Variants in ESYT3 observed in about 807,000 individuals in gnomAD.
ESYT3 encodes extended synaptotagmin 3, also known as extended synaptotagmin-3.
A neutral mutation model predicts 111.5 loss-of-function variants in ESYT3; 101 were observed. The ratio of observed to expected loss-of-function variants is 0.91; its 90% CI spans 0.77 to 1.07. The LOEUF (loss-of-function observed/expected upper bound fraction) is 1.07. Among genes scored for constraint, ESYT3 ranks in the 50% least tolerant of loss-of-function variants. The pLI, the probability that ESYT3 is intolerant of heterozygous loss-of-function variation, is 0.00. For missense variants in ESYT3, 1,097 were observed against 1,109.4 expected, an observed-to-expected ratio of 0.99 and a Z score of 0.16; for synonymous variants, 416 against 446.8, an observed-to-expected ratio of 0.93 and a Z score of 0.87.
chr3:138,476,365 A>G, intron 21 of ESYT3, 37 bp downstream of exon 21: 7 of 1,596,214 alleles, frequency 4.4e-6, no homozygotes, highest in Non-Finnish European at 4.3e-6. Context: ...CAAGGAGATT[A>G]TGATCAATTC....
At position 138,472,504 on chromosome 3, in the gene ESYT3, C is replaced by T; in HGVS notation, c.1882C>T (p.Pro628Ser). 7 of 1,614,224 alleles carry T rather than the reference C, an allele frequency of 4.3e-6. No individual in the cohort carries two copies. The highest frequency in any genetic ancestry group is 5.9e-6 in the Non-Finnish European group (7 of 1,180,036). Residue 628 changes from proline (P) to serine (S), a missense_variant, in exon 18 of 23, where the codon CCA (proline) becomes TCA (serine). Transcript: ENST00000389567. ...QPQEEGPTDL[P>S]CPPDPASDTK... The stretch of plus-strand genomic sequence containing the variant: ...TCAGGAAGAAGGCCCTACAGATTTG[C>T]CATGTCCCCCAGACCCTGCTTCTGA...
chr3:138,434,666 C>A lies in ESYT3; in HGVS notation c.-133C>A. ...GCAGAGAACCCTGAGCTCGGCGCGC[C>A]GAGAGTCCCAGCAGGGCAAGGGGGC... On this transcript the variant is annotated 5_prime_UTR_variant, in exon 1 of 23. Transcript: ENST00000389567. 1.2e-6 allele frequency: 1 copy of A among 809,074 alleles called. No individual in the cohort carries two copies. Among genetic ancestry groups the A allele is most frequent in the Non-Finnish European group, 1.8e-6 (1 of 543,942 alleles). 50.1% of individuals were successfully genotyped at this position (809,074 alleles called of 1,614,324 possible). A position where few individuals can be genotyped will look rare whatever the true frequency, so the allele number is the denominator to read the frequency against.
chr3:138,475,644 A>AG (rs1285928980), intron 20 of ESYT3, among the ~76,000 whole-genome samples: 18 of 152,176 alleles, frequency 1.2e-4, no homozygotes, highest in Admixed American at 1.2e-3. Context: ...AGTGGTAGCC[A>AG]GGGGCAGGTG....
At chr3:138,455,390 C>T (rs1218714974) in intron 3 of ESYT3, 62 bp downstream of exon 3, 2 of 1,583,850 alleles carry the variant, frequency 1.3e-6, no homozygotes, top group African/African-American at 1.3e-5. Context: ...TGTTCCCTCT[C>T]CTCCCACCTT....
chr3:138,443,756 G>GTGTGTATGTGTGTGTGACT (rs1553810678), intron 1 of ESYT3, among the ~76,000 whole-genome samples: 6 of 151,370 alleles, frequency 4.0e-5, no homozygotes, highest in African/African-American at 1.5e-4. Flanking sequence ...GTGTGTGTGT[G>GTGTGTATGTGTGTGTGACT]ACATGGCTGC....
At chr3:138,442,335 A>G (rs1318539130) in intron 1 of ESYT3, among the ~76,000 whole-genome samples, 1 of 152,222 alleles carries the variant, frequency 6.6e-6, no homozygotes, top group Non-Finnish European at 1.5e-5. Context: ...ACATTATATT[A>G]CATTCTCCAA....
Position 138,452,074 on chromosome 3 carries a change from C to T in ESYT3, c.354C>T (p.Val118=), listed in dbSNP as rs759769436. The change falls in exon 2 of 23, where the codon GTC becomes GTT. Residue 118 remains valine (V), a synonymous_variant. Coordinates refer to ENST00000389567, the MANE Select transcript of ESYT3 (RefSeq NM_031913.5). The part of the protein sequence containing the change: ...AWIHFPDVER[V]EWANKIISQT... ...TCCACTTCCCGGACGTGGAGCGGGT[C>T]GAGTGGGCCAACAAGGTAAGGCCGC... The T allele has an allele frequency of 6.8e-6, 11 of 1,612,934 alleles. No homozygotes were observed. The highest frequency in any genetic ancestry group is 9.3e-6 in the Non-Finnish European group (11 of 1,179,860).
intron 1 of ESYT3, among the ~76,000 whole-genome samples, chr3:138,449,626 G>A (rs750987203): frequency 1.1e-4 from 17 of 152,148 alleles, no homozygotes; most frequent in Non-Finnish European, 2.5e-4. Flanking sequence ...TTTCGGGGTC[G>A]AGAGATCAGA....
intron 14 of ESYT3, chr3:138,469,187 G>C (rs1486949781): frequency 1.7e-6 from 1 of 594,592 alleles, no homozygotes; most frequent in East Asian, 2.8e-5. Flanking sequence ...ACGAGAGCCT[G>C]TGCCTGGCCA....
rs1239098611 is a variant in ESYT3, at chr3:138,476,217, C to G, written c.2469-6C>G. On this transcript the variant is annotated splice_polypyrimidine_tract_variant and splice_region_variant and intron_variant, in intron 20 of 22. Transcript: ENST00000389567. ...ATAATTCTCACTTCCTTTTTGCTTC[C>G]TAAAGATTTGAATTTTTTGTTCCCA... is the stretch of plus-strand genomic sequence containing the variant. 3 of 1,588,722 alleles carry G rather than the reference C, an allele frequency of 1.9e-6. No individual in the cohort carries two copies. The highest frequency in any genetic ancestry group is 2.2e-5 in the South Asian group (2 of 89,626).
chr3:138,451,735 C>T (rs544138353), intron 1 of ESYT3, among the ~76,000 whole-genome samples: 10 of 152,364 alleles, frequency 6.6e-5, no homozygotes, highest in African/African-American at 2.2e-4. Context: ...TGCCCGCCAC[C>T]GCGTGCCCAG....
intron 1 of ESYT3, among the ~76,000 whole-genome samples, chr3:138,436,730 C>CT (rs2030726004): frequency 6.6e-6 from 1 of 152,182 alleles, no homozygotes; most frequent in Non-Finnish European, 1.5e-5. Context: ...CCTGTCCACA[C>CT]CCCTTGCACA....
intron 7 of ESYT3, among the ~76,000 whole-genome samples, chr3:138,461,117 G>A (rs538908519): frequency 1.3e-5 from 2 of 152,316 alleles, no homozygotes; most frequent in Non-Finnish European, 2.9e-5. Context: ...CTCAGTAAAA[G>A]GGGAGCCTGG....
At chr3:138,459,302 G>A in intron 5 of ESYT3, 49 bp downstream of exon 5, 2 of 1,458,878 alleles carry the variant, frequency 1.4e-6, no homozygotes, top group East Asian at 4.9e-5. Context: ...CCAGGGTGGG[G>A]ATCAGGGAAG....
rs2033471977 is a variant in ESYT3, at chr3:138,476,205, C to G, written c.2469-18C>G. The G allele has an allele frequency of 6.7e-7, 1 of 1,491,614 alleles. No homozygotes were observed. Among genetic ancestry groups the G allele is most frequent in the Non-Finnish European group, 9.3e-7 (1 of 1,070,922 alleles). 92.4% of individuals were successfully genotyped at this position (1,491,614 alleles called of 1,614,324 possible). Reference sequence around the variant, plus strand: ...TGAATGAAATGCATAATTCTCACTTCCTTTTTGCTTCCTAAAGATTTGAAT... The same window carrying G: ...TGAATGAAATGCATAATTCTCACTTGCTTTTTGCTTCCTAAAGATTTGAAT... On this transcript the variant is annotated intron_variant, in intron 20 of 22. Coordinates refer to ENST00000389567, the MANE Select transcript of ESYT3 (RefSeq NM_031913.5).
At position 138,472,831 on chromosome 3, in the gene ESYT3, G is replaced by C. The variant is rs1560245640; in HGVS notation, c.2209G>C (p.Asp737His). 1 of 1,614,076 alleles carries C rather than the reference G, an allele frequency of 6.2e-7. No individual in the cohort carries two copies. Among genetic ancestry groups the C allele is most frequent in the African/African-American group, 1.3e-5 (1 of 75,062 alleles). The change falls in exon 18 of 23, where the codon GAC (aspartate) becomes CAC (histidine). Residue 737 changes from aspartate to histidine, a missense_variant. Physicochemically the swap from Asp to His is moderately conservative, Grantham distance 81. Transcript: ENST00000389567. ...CAACTCCTTGGCCTCTTCTTGCTTT[G>C]ACCTGGCAGATATCAGCCTCAACAT... ...SLNSLASSCF[D>H]LADISLNIEG...
chr3:138,468,678 C>A lies in ESYT3; in HGVS notation c.1332C>A (p.Ala444=). Residue 444 remains alanine, a synonymous_variant, in exon 13 of 23, where the codon GCC becomes GCA. Transcript: ENST00000389567. ...LTEDHGGLST[A]ILVVFLESAC... is the part of the protein sequence containing the mutation. ...AGGACCATGGTGGCCTTTCCACTGC[C>A]ATTCTCGTGGTCTTCTTGGAGAGTG... 1 of 1,614,108 alleles carries A rather than the reference C, an allele frequency of 6.2e-7. No homozygotes were observed. The highest frequency in any genetic ancestry group is 1.1e-5 in the South Asian group (1 of 91,062).
At chr3:138,457,499 G>T (rs1338603640) in intron 3 of ESYT3, 69 bp from the exon 4 acceptor site, 2 of 1,392,306 alleles carry the variant, frequency 1.4e-6, no homozygotes, top group South Asian at 1.2e-5. Context: ...CCCAGTGCCG[G>T]GGGGAGAGCT....
At position 138,472,534 on chromosome 3, in the gene ESYT3, A is replaced by G. The variant is rs1385729632; in HGVS notation, c.1912A>G (p.Lys638Glu). The G allele has an allele frequency of 6.2e-7, 1 of 1,614,236 alleles. No individual in the cohort carries two copies. Among genetic ancestry groups the G allele is most frequent in the Middle Eastern group, 1.6e-4 (1 of 6,062 alleles). Residue 638 changes from lysine (K) to glutamate (E), a missense_variant, in exon 18 of 23, where the codon AAG becomes GAG. By Grantham distance (56) the Lys-to-Glu change is moderately conservative. Coordinates refer to ENST00000389567, the MANE Select transcript of ESYT3 (RefSeq NM_031913.5). ...PCPPDPASDT[K>E]DVSRSTTTTT... is the part of the protein sequence containing the mutation. ...TCCCCCAGACCCTGCTTCTGATACT[A>G]AGGACGTATCCAGGAGTACCACAAC...
Sources: gnomAD v4.1 joint callset for allele counts (sites outside exome capture counted in the v4.1 genomes callset) on GRCh38, gnomAD v4.1.1 for gene constraint, MANE v1.5 for transcripts, NCBI Gene and HGNC (gene_info 2026-07-23, HGNC 2026-07-21) for gene names.